ATP1A2: variants seen among roughly 807,000 people sequenced by gnomAD.
ATP1A2 encodes ATPase Na+/K+ transporting subunit alpha 2.
ATP1A2 carries 56 observed loss-of-function variants against 113.1 expected under a neutral mutation model. The ratio of observed to expected loss-of-function variants is 0.49; its 90% CI spans 0.40 to 0.62. ATP1A2 has a LOEUF of 0.62. ATP1A2 is among the 20% of genes least tolerant of loss of function. The probability of loss-of-function intolerance (pLI) is 0.00; values close to 1 mark genes in which losing one functional copy is unlikely to be tolerated. For missense variants in ATP1A2, 712 were observed against 1,357.8 expected, an observed-to-expected ratio of 0.52 and a Z score of 7.47; for synonymous variants, 490 against 526.8, an observed-to-expected ratio of 0.93 and a Z score of 0.96.
intron 20 of ATP1A2, chr1:160,137,328 T>C (rs1651986178): frequency 2.3e-6 from 1 of 440,618 alleles, no homozygotes; most frequent in Non-Finnish European, 4.2e-6. Flanking sequence ...TGCCCAGCCC[T>C]AAATCCAGTG....
intron 13 of ATP1A2, among the ~76,000 whole-genome samples, chr1:160,133,975 C>T (rs1487167012): frequency 6.6e-6 from 1 of 151,888 alleles, no homozygotes; most frequent in Non-Finnish European, 1.5e-5. Flanking sequence ...ATTATCTTTC[C>T]TCCTCACCCA....
At chr1:160,140,411 T>C (rs193069536) in intron 22 of ATP1A2, among the ~76,000 whole-genome samples, 20 of 152,318 alleles carry the variant, frequency 1.3e-4, no homozygotes, top group Non-Finnish European at 2.1e-4. Context: ...GTTATTGTTT[T>C]TCCTACAAGC....
intron 19 of ATP1A2, 32 bp from the exon 20 acceptor site, chr1:160,136,869 C>T (rs764185323): frequency 8.7e-6 from 14 of 1,614,246 alleles, no homozygotes; most frequent in African/African-American, 1.3e-5. Context: ...TCCTCCGACA[C>T]TCTCATCTGT....
At chr1:160,117,195 G>A (rs75789127) in intron 1 of ATP1A2, among the ~76,000 whole-genome samples, 1 of 152,294 alleles carries the variant, frequency 6.6e-6, no homozygotes, top group African/African-American at 2.4e-5. Context: ...GCTGCAGGAA[G>A]ATATACTGTC....
chr1:160,120,936 A>G lies in ATP1A2; in HGVS notation c.43A>G (p.Thr15Ala). The G allele has an allele frequency of 6.2e-7, 1 of 1,608,368 alleles. No individual in the cohort carries two copies. Among genetic ancestry groups the G allele is most frequent in the Non-Finnish European group, 8.5e-7 (1 of 1,177,300 alleles). ...AGREYSPAAT[T>A]AENGGGKKKQ... Reference sequence around the variant, plus strand: ...CCGTGAGTACTCACCTGCCGCCACCACGGCAGAGAATGGGGGCGGCAAGAA... The same window carrying G: ...CCGTGAGTACTCACCTGCCGCCACCGCGGCAGAGAATGGGGGCGGCAAGAA... The change falls in exon 2 of 23, where the codon ACG (threonine) becomes GCG (alanine). Residue 15 changes from threonine to alanine, a missense_variant. By Grantham distance (58) the Thr-to-Ala change is moderately conservative (BLOSUM62 0). Around this residue, in one of 6 missense-constraint regions of ATP1A2, gnomAD observed 109 missense variants for 162.3 expected, o/e 0.67. Coordinates refer to ENST00000361216, the MANE Select transcript of ATP1A2 (RefSeq NM_000702.4).
In ATP1A2 at chr1:160,141,280, A is replaced by T; in HGVS notation, c.3035-14A>T. On this transcript the variant is annotated splice_polypyrimidine_tract_variant and intron_variant, in intron 22 of 22. Coordinates refer to ENST00000361216, the MANE Select transcript of ATP1A2 (RefSeq NM_000702.4). ...AGCTCATGCTGCAATCTCCACTCCC[A>T]ATCTCTCTAACAGGCTGGGTGGAGA... The T allele has an allele frequency of 6.2e-7, 1 of 1,613,924 alleles. No homozygotes were observed. Among genetic ancestry groups the T allele is most frequent in the Non-Finnish European group, 8.5e-7 (1 of 1,179,916 alleles).
Position 160,134,184 on chromosome 1 carries a change from C to T in ATP1A2, c.1828-300C>T, listed in dbSNP as rs55789908. 0.076 allele frequency among the ~76,000 whole-genome samples: 10,921 copies of T among 143,050 alleles called. 524 individuals carry two copies. The highest frequency in any genetic ancestry group is 0.12 in the Middle Eastern group (33 of 280). The allele number at this position is 143,050 out of a possible 152,430, so 93.8% of individuals were successfully genotyped here. A position where few individuals can be genotyped will look rare whatever the true frequency, so the allele number is the denominator to read the frequency against. On this transcript the variant is annotated intron_variant, in intron 13 of 22. Transcript: ENST00000361216. Reference sequence around the variant, plus strand: ...CACACATCCCACACACACACATTCCCTCTCACACACACACACAATCCCCAC... The same window carrying T: ...CACACATCCCACACACACACATTCCTTCTCACACACACACACAATCCCCAC...
chr1:160,139,535 T>A, intron 20 of ATP1A2, 105 bp from the exon 21 acceptor site: 1 of 946,818 alleles, frequency 1.1e-6, no homozygotes. Context: ...TGCGACTATG[T>A]CGTTTAGAAT....
At chr1:160,132,876 G>C (rs1328244563) in intron 13 of ATP1A2, among the ~76,000 whole-genome samples, 1 of 152,140 alleles carries the variant, frequency 6.6e-6, no homozygotes, top group African/African-American at 2.4e-5. Flanking sequence ...CAAGTGAAGG[G>C]AGGAGAATGA....
In ATP1A2 at chr1:160,136,884, G is replaced by C; in HGVS notation, c.2710-17G>C. The C allele has an allele frequency of 6.2e-7, 1 of 1,614,166 alleles. No individual in the cohort carries two copies. Among genetic ancestry groups the C allele is most frequent in the Non-Finnish European group, 8.5e-7 (1 of 1,180,026 alleles). ...TCCTCCGACACTCTCATCTGTCTCT[G>C]CCCACCCTCCCTCCAGACCTATGAG... On this transcript the variant is annotated splice_polypyrimidine_tract_variant and intron_variant, in intron 19 of 22. Transcript: ENST00000361216.
chr1:160,119,256 C>CA (rs386368465), intron 1 of ATP1A2, among the ~76,000 whole-genome samples: 3,188 of 49,298 alleles, frequency 0.065, 796 homozygotes, highest in African/African-American at 0.13. Flanking sequence ...CATTATCCTG[C>CA]AAAAAAAAAA....
Position 160,129,388 on chromosome 1 carries a change from C to G in ATP1A2, c.1449C>G (p.Thr483=), listed in dbSNP as rs777419486. 6.2e-7 allele frequency: 1 copy of G among 1,613,550 alleles called. No individual in the cohort carries two copies. Among genetic ancestry groups the G allele is most frequent in the East Asian group, 2.2e-5 (1 of 44,878 alleles). The change falls in exon 11 of 23, where the codon ACC becomes ACG. Residue 483 remains threonine (T), a synonymous_variant. Coordinates refer to ENST00000361216, the MANE Select transcript of ATP1A2 (RefSeq NM_000702.4). ...PKVAEIPFNS[T]NKYQLSIHER... is the part of the protein sequence containing the mutation. ...TGGCAGAGATTCCTTTCAACTCTACCAACAAGTACCAGGTCTGCTTGGGTT... is the reference window on the plus strand; with the variant it reads ...TGGCAGAGATTCCTTTCAACTCTACGAACAAGTACCAGGTCTGCTTGGGTT...
intron 13 of ATP1A2, among the ~76,000 whole-genome samples, chr1:160,133,811 A>G (rs1385847327): frequency 2.0e-5 from 3 of 152,080 alleles, no homozygotes; most frequent in Non-Finnish European, 4.4e-5. Flanking sequence ...GAATCCCATG[A>G]AATCCAAAAT....
chr1:160,134,431 G>A (rs987166367), intron 13 of ATP1A2, 53 bp from the exon 14 acceptor site: 1 of 1,613,350 alleles, frequency 6.2e-7, no homozygotes, highest in South Asian at 1.1e-5. Flanking sequence ...AGGAACAGGA[G>A]GGGGATAAAC....
intron 13 of ATP1A2, among the ~76,000 whole-genome samples, 190 bp from the exon 14 acceptor site, chr1:160,134,292 TAC>T (rs886216361): frequency 1.6e-5 from 2 of 123,496 alleles, no homozygotes; most frequent in Admixed American, 7.9e-5. Flanking sequence ...CACACACACA[TAC>T]ACACACACAC....
intron 7 of ATP1A2, among the ~76,000 whole-genome samples, chr1:160,127,332 C>T (rs928985877): frequency 3.3e-5 from 5 of 152,156 alleles, no homozygotes; most frequent in African/African-American, 7.2e-5. Flanking sequence ...TCCCCAGGCT[C>T]GAGTACAAGA....
In ATP1A2 at chr1:160,135,659, T is replaced by C. The variant is rs1177983279; in HGVS notation, c.2284+57T>C. On this transcript the variant is annotated intron_variant, in intron 16 of 22. Transcript: ENST00000361216. The surrounding 1 kb of genome is among the most constrained non-coding windows in gnomAD (Gnocchi z 6.3). Reference sequence around the variant, plus strand: ...CAGGATACTGAAGCCGGCACCTCTGTTCCCTGTCCCTTTACCCCAGTTGAA... The same window carrying C: ...CAGGATACTGAAGCCGGCACCTCTGCTCCCTGTCCCTTTACCCCAGTTGAA... 6.2e-7 allele frequency: 1 copy of C among 1,612,234 alleles called. No homozygotes were observed. The highest frequency in any genetic ancestry group is 8.5e-7 in the Non-Finnish European group (1 of 1,179,870).
Position 160,124,048 on chromosome 1 carries a change from G to A in ATP1A2, c.487G>A (p.Val163Ile), listed in dbSNP as rs780646849. The change falls in exon 5 of 23, where the codon GTA becomes ATA. Residue 163 changes from valine (V) to isoleucine (I), a missense_variant. Physicochemically the swap from Val to Ile is conservative, Grantham distance 29. Around this residue, in one of 6 missense-constraint regions of ATP1A2, gnomAD observed 99 missense variants for 180.4 expected, o/e 0.55. Transcript: ENST00000361216. ...GATCATGGATTCCTTCAAGAACATG[G>A]TACCTCAGGTAAGATGGCAGGGCTG... is the stretch of plus-strand genomic sequence containing the variant. ...SKIMDSFKNM[V>I]PQQALVIREG... 40 of 1,614,024 alleles carry A rather than the reference G, an allele frequency of 2.5e-5. No homozygotes were observed. Among genetic ancestry groups the A allele is most frequent in the Non-Finnish European group, 3.1e-5 (37 of 1,179,996 alleles).
chr1:160,136,322 G>C lies in ATP1A2; in HGVS notation c.2515G>C (p.Asp839His). Residue 839 changes from aspartate (D) to histidine (H), a missense_variant, in exon 18 of 23, where the codon GAC (aspartate) becomes CAC (histidine). Asp to His is a moderately conservative substitution (Grantham distance 81). Around this residue, in one of 6 missense-constraint regions of ATP1A2, gnomAD observed 188 missense variants for 438.9 expected, o/e 0.43. Transcript: ENST00000361216. ...MKRQPRNSQTDKLVNERLISM... is the reference protein window; with the variant it reads ...MKRQPRNSQTHKLVNERLISM... ...GCGGCAGCCACGAAACTCCCAGACG[G>C]ACAAGCTGGTGAATGAGAGGCTCAT... 1 of 1,614,170 alleles carries C rather than the reference G, an allele frequency of 6.2e-7. No homozygotes were observed. The highest frequency in any genetic ancestry group is 8.5e-7 in the Non-Finnish European group (1 of 1,180,036).
Sources: gnomAD v4.1 joint callset for allele counts (sites outside exome capture counted in the v4.1 genomes callset) on GRCh38, gnomAD v4.1.1 for gene constraint, gnomAD v4.1.1 regional missense constraint, Gnocchi (gnomAD v3.1) non-coding constraint, MANE v1.5 for transcripts, NCBI Gene and HGNC (gene_info 2026-07-23, HGNC 2026-07-21) for gene names.